BRINP3: variants seen among roughly 807,000 people sequenced by gnomAD.
BRINP3 encodes the protein BMP/retinoic acid-inducible neural-specific protein 3.
A neutral mutation model predicts 71.0 loss-of-function variants in BRINP3; 19 were observed. The ratio of observed to expected loss-of-function variants is 0.27; its 90% CI spans 0.19 to 0.39. The LOEUF is 0.39. Among genes scored for constraint, BRINP3 ranks in the 10% least tolerant of loss-of-function variants. The pLI is 1.00. For synonymous variants in BRINP3, 380 were observed against 337.7 expected, an observed-to-expected ratio of 1.13 and a Z score of -1.37; for missense variants, 959 against 940.8, an observed-to-expected ratio of 1.02 and a Z score of -0.25.
intron 6 of BRINP3, among the ~76,000 whole-genome samples, chr1:190,218,198 A>C (rs1348447391): frequency 6.6e-6 from 1 of 151,948 alleles, no homozygotes; most frequent in Non-Finnish European, 1.5e-5. Flanking sequence ...CTCATCCATC[A>C]CATCAGCCCT....
intron 4 of BRINP3, 56 bp from the exon 5 acceptor site, chr1:190,234,533 G>T (rs1374286549): frequency 1.5e-6 from 2 of 1,341,300 alleles, no homozygotes; most frequent in South Asian, 1.2e-5. Flanking sequence ...ATGTCCTTTT[G>T]GTTCACTGTA....
intron 2 of BRINP3, among the ~76,000 whole-genome samples, chr1:190,307,706 G>A (rs1158160136): frequency 6.6e-6 from 1 of 151,006 alleles, no homozygotes; most frequent in East Asian, 2.0e-4. Context: ...CACCTCCCTC[G>A]AAAAAAAGAG....
chr1:190,437,810 A>T (rs979166571), intron 2 of BRINP3, among the ~76,000 whole-genome samples: 2 of 151,878 alleles, frequency 1.3e-5, no homozygotes, highest in African/African-American at 4.8e-5. Context: ...AAATGCAATT[A>T]ATCCATTTAC....
chr1:190,133,065 A>T (rs1038047469), intron 7 of BRINP3, among the ~76,000 whole-genome samples: 1 of 152,068 alleles, frequency 6.6e-6, no homozygotes, highest in African/African-American at 2.4e-5. Flanking sequence ...CTGCAACTTC[A>T]TGAGAGATCC....
intron 7 of BRINP3, among the ~76,000 whole-genome samples, chr1:190,148,242 A>C (rs1656068868): frequency 6.6e-6 from 1 of 151,200 alleles, no homozygotes; most frequent in African/African-American, 2.4e-5. Flanking sequence ...CTCTATGGAA[A>C]TTCTATTATG....
chr1:190,221,635 A>C (rs1028895086), intron 6 of BRINP3, among the ~76,000 whole-genome samples: 2 of 152,144 alleles, frequency 1.3e-5, no homozygotes. Flanking sequence ...TGAATGAATA[A>C]AGAAGTAAGA....
chr1:190,250,894 T>C (rs1660073960), intron 4 of BRINP3, among the ~76,000 whole-genome samples: 1 of 151,878 alleles, frequency 6.6e-6, no homozygotes, highest in South Asian at 2.1e-4. Flanking sequence ...TAATACAGGA[T>C]TCTTGTATTG....
intron 7 of BRINP3, 42 bp downstream of exon 7, chr1:190,160,626 C>T (rs779282946): frequency 3.4e-5 from 52 of 1,536,576 alleles, no homozygotes; most frequent in Admixed American, 2.6e-4. Flanking sequence ...CTCACTTTTT[C>T]GGCAATAAAC....
chr1:190,108,421 T>C (rs909905881), intron 7 of BRINP3, among the ~76,000 whole-genome samples: 17 of 151,850 alleles, frequency 1.1e-4, no homozygotes, highest in Non-Finnish European at 2.1e-4. Flanking sequence ...ACTTTAAAAG[T>C]CGGCTCATTT....
At chr1:190,274,249 C>CT (rs34823954) in intron 3 of BRINP3, among the ~76,000 whole-genome samples, 48 of 147,522 alleles carry the variant, frequency 3.3e-4, no homozygotes, top group African/African-American at 4.2e-4. Flanking sequence ...AAATTTGTGT[C>CT]TTTTTTTTTT....
At chr1:190,396,195 T>C (rs1671555103) in intron 2 of BRINP3, among the ~76,000 whole-genome samples, 1 of 151,916 alleles carries the variant, frequency 6.6e-6, no homozygotes. Flanking sequence ...GGCTAGTAAA[T>C]GAGTAATGCT....
intron 7 of BRINP3, among the ~76,000 whole-genome samples, chr1:190,129,060 T>A (rs1343132643): frequency 1.3e-5 from 2 of 151,772 alleles, no homozygotes; most frequent in Non-Finnish European, 3.0e-5. Context: ...AGAATAAAAT[T>A]TTCACTGTGT....
intron 2 of BRINP3, among the ~76,000 whole-genome samples, chr1:190,316,458 T>A (rs556323700): frequency 2.0e-5 from 3 of 152,202 alleles, no homozygotes; most frequent in African/African-American, 7.2e-5. Context: ...TGAACAAGAA[T>A]AAGTTGCTGC....
intron 4 of BRINP3, among the ~76,000 whole-genome samples, chr1:190,244,707 T>C (rs915349846): frequency 1.3e-5 from 2 of 152,072 alleles, no homozygotes; most frequent in Non-Finnish European, 2.9e-5. Context: ...GGGAACCTCG[T>C]TAGATACACA....
At chr1:190,113,516 T>C (rs970088256) in intron 7 of BRINP3, among the ~76,000 whole-genome samples, 1 of 152,222 alleles carries the variant, frequency 6.6e-6, no homozygotes, top group African/African-American at 2.4e-5. Flanking sequence ...GCTAATTAGT[T>C]AAACAAACAG....
At chr1:190,437,121 A>T (rs557638672) in intron 2 of BRINP3, among the ~76,000 whole-genome samples, 16 of 151,824 alleles carry the variant, frequency 1.1e-4, no homozygotes, top group African/African-American at 3.4e-4. Context: ...GTTTTCATTA[A>T]AAAGTAAATG....
At chr1:190,455,946 T>C (rs963727593) in intron 1 of BRINP3, among the ~76,000 whole-genome samples, 4 of 152,148 alleles carry the variant, frequency 2.6e-5, no homozygotes, top group African/African-American at 9.7e-5. Context: ...TTTTTCTTTC[T>C]ATCCTCATCA....
At chr1:190,269,349 T>C (rs1661914740) in intron 3 of BRINP3, among the ~76,000 whole-genome samples, 1 of 151,986 alleles carries the variant, frequency 6.6e-6, no homozygotes, top group Admixed American at 6.6e-5. Flanking sequence ...GGAAAGTTCA[T>C]GAAAATACAA....
intron 6 of BRINP3, among the ~76,000 whole-genome samples, chr1:190,187,661 A>T (rs1653651512): frequency 6.6e-6 from 1 of 152,082 alleles, no homozygotes. Flanking sequence ...TGTTCCTGGC[A>T]TCTTTGCCAA....
Sources: gnomAD v4.1 joint callset for allele counts (sites outside exome capture counted in the v4.1 genomes callset) on GRCh38, gnomAD v4.1.1 for gene constraint, MANE v1.5 for transcripts, NCBI Gene and HGNC (gene_info 2026-07-23, HGNC 2026-07-21) for gene names.